TEX9: variants seen among roughly 807,000 people sequenced by gnomAD.
TEX9 encodes the protein testis expressed 9, also known as testis-expressed protein 9.
Under a neutral mutation model 59.6 loss-of-function variants are expected in TEX9, and 74 were observed. The observed-to-expected ratio is 1.24, with a 90% CI of 1.03 to 1.51. The LOEUF is 1.51. Among genes scored for constraint, TEX9 ranks in the 40% most tolerant of loss-of-function variants. The pLI is 0.00. For synonymous variants in TEX9, 186 were observed against 152.2 expected, an observed-to-expected ratio of 1.22 and a Z score of -1.64; for missense variants, 522 against 447.8, an observed-to-expected ratio of 1.17 and a Z score of -1.49.
intron 1 of TEX9, among the ~76,000 whole-genome samples, chr15:56,250,008 A>G (rs752121255): frequency 6.6e-5 from 10 of 152,148 alleles, no homozygotes; most frequent in Non-Finnish European, 1.0e-4. Context: ...TCTAGGCTCA[A>G]CATAAGTCTT....
intron 1 of TEX9, among the ~76,000 whole-genome samples, chr15:56,245,289 C>T (rs1287616065): frequency 6.6e-6 from 1 of 152,158 alleles, no homozygotes; most frequent in Non-Finnish European, 1.5e-5. Context: ...TGAATGCTTG[C>T]ACGTGGTGAG....
At chr15:56,269,160 C>T (rs1035489785) in intron 1 of TEX9, among the ~76,000 whole-genome samples, 1 of 152,046 alleles carries the variant, frequency 6.6e-6, no homozygotes, top group Non-Finnish European at 1.5e-5. Flanking sequence ...CTGTCGGATC[C>T]GTGGTGATAT....
chr15:56,455,264 A>AC, the TEX9 span, among the ~76,000 whole-genome samples: 1 of 133,952 alleles, frequency 7.5e-6, no homozygotes, highest in Non-Finnish European at 1.7e-5. Context: ...AAAAAAAAAA[A>AC]AAAAAAACCA....
intron 4 of TEX9, among the ~76,000 whole-genome samples, chr15:56,385,200 A>G (rs1230873111): frequency 1.3e-5 from 2 of 152,156 alleles, no homozygotes; most frequent in African/African-American, 4.8e-5. Context: ...TATCTGTTCC[A>G]TTGATCTATA....
chr15:56,270,861 C>T (rs1212347194), intron 1 of TEX9, among the ~76,000 whole-genome samples: 3 of 152,318 alleles, frequency 2.0e-5, no homozygotes, highest in African/African-American at 7.2e-5. Flanking sequence ...ATTTGCTTGT[C>T]TGTAAAGGAT....
chr15:56,318,919 A>T (rs2045839986), intron 1 of TEX9, among the ~76,000 whole-genome samples: 1 of 152,162 alleles, frequency 6.6e-6, no homozygotes, highest in Non-Finnish European at 1.5e-5. Context: ...GAGACTACTC[A>T]ACAAATGAGA....
chr15:56,428,867 C>A, intron 12 of TEX9: 1 of 446,924 alleles, frequency 2.2e-6, no homozygotes. Context: ...GGGATGCAAA[C>A]AGTGCTCTGT....
At chr15:56,423,295 T>A (rs998940775) in intron 10 of TEX9, among the ~76,000 whole-genome samples, 1 of 152,204 alleles carries the variant, frequency 6.6e-6, no homozygotes, top group Non-Finnish European at 1.5e-5. Flanking sequence ...ATTTGCCTCA[T>A]GATATTTTCC....
intron 10 of TEX9, among the ~76,000 whole-genome samples, chr15:56,426,908 A>G (rs1324743076): frequency 3.3e-5 from 5 of 151,914 alleles, no homozygotes; most frequent in African/African-American, 1.2e-4. Context: ...TGTCATGGGA[A>G]GTGGGTAAAT....
chr15:56,452,872 G>A, the TEX9 span, among the ~76,000 whole-genome samples: 1 of 152,228 alleles, frequency 6.6e-6, no homozygotes, highest in South Asian at 2.1e-4. Context: ...AGCAGTTAAG[G>A]TGGTAAGAAC....
the TEX9 span, among the ~76,000 whole-genome samples, chr15:56,455,598 T>A: frequency 6.6e-6 from 1 of 152,184 alleles, no homozygotes. Context: ...TGATTAGCAT[T>A]TACTTGGCCC....
At position 56,394,972 on chromosome 15, in the gene TEX9, A is replaced by G. The variant is rs2048392503; in HGVS notation, c.828+138A>G. ...TGAAAACTCTTTCCCCTTACATAGA[A>G]TATTTTTAACAACTTTATTGAGATG... On this transcript the variant is annotated intron_variant, in intron 9 of 12. Transcript: ENST00000352903. 9 of 839,030 alleles carry G rather than the reference A, an allele frequency of 1.1e-5. No individual in the cohort carries two copies. The East Asian group carries it at 2.5e-4, about 23-fold the overall frequency. 52.0% of individuals were successfully genotyped at this position (839,030 alleles called of 1,614,324 possible). A position where few individuals can be genotyped will look rare whatever the true frequency, so the allele number is the denominator to read the frequency against.
intron 1 of TEX9, among the ~76,000 whole-genome samples, chr15:56,251,116 C>T (rs529314758): frequency 6.6e-6 from 1 of 152,314 alleles, no homozygotes; most frequent in Non-Finnish European, 1.5e-5. Context: ...ACTTTCTCTG[C>T]TCTTCCCTGT....
At chr15:56,455,827 T>C in the TEX9 span, among the ~76,000 whole-genome samples, 2 of 152,144 alleles carry the variant, frequency 1.3e-5, no homozygotes, top group African/African-American at 4.8e-5. Flanking sequence ...AGCCAGGTTA[T>C]GTAAGAAACA....
intron 1 of TEX9, among the ~76,000 whole-genome samples, chr15:56,328,155 A>G (rs1663942662): frequency 6.6e-6 from 1 of 151,414 alleles, no homozygotes; most frequent in Admixed American, 6.6e-5. Context: ...CTCAGCCACA[A>G]TAGGGTAGGG....
upstream of TEX9, among the ~76,000 whole-genome samples, chr15:56,363,989 A>G (rs560159267): frequency 1.6e-4 from 24 of 149,342 alleles, no homozygotes; most frequent in Non-Finnish European, 3.3e-4. Context: ...CCTATTTTTG[A>G]ATTTTAATAC....
rs750002703 is a variant in TEX9, at chr15:56,394,119, C to G, written c.572-46C>G. On this transcript the variant is annotated intron_variant, in intron 7 of 12. Coordinates refer to ENST00000352903, the Ensembl canonical transcript of TEX9. ...TGGTCTGTCTTACAATTGATGTCAT[C>G]TTAGATTCAGCAAAAGACAGTAAAT... is the stretch of plus-strand genomic sequence containing the variant. The G allele has an allele frequency of 3.5e-5, 54 of 1,537,764 alleles. No homozygotes were observed. The East Asian group carries it at 1.2e-3, about 34-fold the overall frequency.
chr15:56,440,569 GC>G (rs2050800436), intron 12 of TEX9, among the ~76,000 whole-genome samples: 1 of 152,092 alleles, frequency 6.6e-6, no homozygotes, highest in Non-Finnish European at 1.5e-5. Flanking sequence ...CATTCCAAAT[GC>G]CCTTTAATGG....
rs953100423 is a variant in TEX9 at position 56,367,956 on chromosome 15, G to A, written c.119+2286G>A. Among the ~76,000 whole-genome samples the A allele has an allele frequency of 5.3e-5, 8 of 152,046 alleles. No individual in the cohort carries two copies. The South Asian group carries it at 1.7e-3, about 32-fold the overall frequency. ...GGATTTTTGATGAAGACAATTATAT[G>A]CAAATTTTGATCATTTTGTCCCTTG... is the stretch of plus-strand genomic sequence containing the variant. On this transcript the variant is annotated intron_variant, in intron 2 of 12. Coordinates refer to ENST00000352903, the Ensembl canonical transcript of TEX9.
Sources: allele counts gnomAD v4.1 joint callset (sites outside exome capture counted in the v4.1 genomes callset), GRCh38; gene constraint gnomAD v4.1.1; transcripts MANE v1.5; gene names NCBI Gene and HGNC (gene_info 2026-07-23, HGNC 2026-07-21).